Variants in AHCYL2 observed in about 807,000 individuals in gnomAD.
AHCYL2 encodes the protein adenosylhomocysteinase like 2, also known as S-adenosylhomocysteine hydrolase-like protein 2.
A neutral mutation model predicts 81.4 loss-of-function variants in AHCYL2; 28 were observed. The ratio of observed to expected loss-of-function variants is 0.34; its 90% CI spans 0.25 to 0.47. The LOEUF (loss-of-function observed/expected upper bound fraction) is 0.47. Among genes scored for constraint, AHCYL2 ranks in the 20% least tolerant of loss-of-function variants. The pLI, the probability that AHCYL2 is intolerant of heterozygous loss-of-function variation, is 1.00. For synonymous variants in AHCYL2, 272 were observed against 290.2 expected (o/e 0.94, Z 0.64); for missense variants, 551 against 785.1 (o/e 0.70, Z 3.56).
At chr7:129,380,192 G>A (rs1471100781) in intron 2 of AHCYL2, among the ~76,000 whole-genome samples, 2 of 152,004 alleles carry the variant, frequency 1.3e-5, no homozygotes. Flanking sequence ...GCTAGTTCAA[G>A]CAAGTGAGCC....
intron 1 of AHCYL2, among the ~76,000 whole-genome samples, chr7:129,255,067 C>T (rs1026679530): frequency 6.6e-6 from 1 of 151,840 alleles, no homozygotes; most frequent in Non-Finnish European, 1.5e-5. Context: ...TCGAGACTAG[C>T]CTTACCAACA....
At chr7:129,315,857 C>T (rs1797810410) in intron 1 of AHCYL2, among the ~76,000 whole-genome samples, 1 of 152,148 alleles carries the variant, frequency 6.6e-6, no homozygotes, top group South Asian at 2.1e-4. Context: ...TGAAAATTAG[C>T]CGTCAGCCAT....
At chr7:129,283,732 C>G (rs1796529648) in intron 1 of AHCYL2, among the ~76,000 whole-genome samples, 1 of 152,048 alleles carries the variant, frequency 6.6e-6, no homozygotes, top group Admixed American at 6.5e-5. Context: ...CAATATAGTA[C>G]TTTTTGTACC....
intron 1 of AHCYL2, among the ~76,000 whole-genome samples, chr7:129,247,725 C>T (rs1215460973): frequency 1.3e-5 from 2 of 152,110 alleles, no homozygotes; most frequent in Non-Finnish European, 2.9e-5. Context: ...CCTCAGCCTC[C>T]TGAGTAGCTG....
In AHCYL2 at chr7:129,255,454, T is replaced by C. The variant is rs551010372; in HGVS notation, c.363+30015T>C. 8.5e-5 allele frequency among the ~76,000 whole-genome samples: 13 copies of C among 152,328 alleles called. 1 individual carries two copies. The highest frequency in any genetic ancestry group is 3.1e-4 in the African/African-American group (13 of 41,586). On this transcript the variant is annotated intron_variant, in intron 1 of 16. Coordinates refer to ENST00000325006, the MANE Select transcript of AHCYL2 (RefSeq NM_015328.4). ...GTATATCTGAATTTGACTAGCCACATTTCAAGAGTTCAACAGTCATATGTG... is the reference window on the plus strand; with the variant it reads ...GTATATCTGAATTTGACTAGCCACACTTCAAGAGTTCAACAGTCATATGTG...
chr7:129,400,233 T>A (rs1439006730), intron 5 of AHCYL2, 57 bp from the exon 6 acceptor site: 3 of 1,485,378 alleles, frequency 2.0e-6, no homozygotes, highest in East Asian at 4.5e-5. Context: ...TCACTAAAAT[T>A]AGGGGGTCAG....
At position 129,368,154 on chromosome 7, in the gene AHCYL2, G is replaced by C. The variant is rs1389488145; in HGVS notation, c.364-11484G>C. The C allele has an allele frequency of 1.9e-6, 2 of 1,072,240 alleles. No homozygotes were observed. The highest frequency in any genetic ancestry group is 2.3e-6 in the Non-Finnish European group (2 of 885,298). 66.4% of individuals were successfully genotyped at this position (1,072,240 alleles called of 1,614,324 possible). The stretch of plus-strand genomic sequence containing the variant: ...GGAAGTCCAACTATTGCTGCAGAAA[G>C]TCCCCACTGGGGAGGTGCGGGTAGA... On this transcript the variant is annotated intron_variant, in intron 1 of 16. Transcript: ENST00000325006. This position sits in a 1 kb window ranked among gnomAD's most constrained non-coding sequence, Gnocchi z 4.4.
chr7:129,289,565 T>A (rs1482335565), intron 1 of AHCYL2, among the ~76,000 whole-genome samples: 1 of 152,242 alleles, frequency 6.6e-6, no homozygotes, highest in African/African-American at 2.4e-5. Flanking sequence ...CCCAGTGGTA[T>A]AATACATATT....
At chr7:129,357,595 A>T (rs1793775315) in intron 1 of AHCYL2, among the ~76,000 whole-genome samples, 1 of 152,048 alleles carries the variant, frequency 6.6e-6, no homozygotes, top group Non-Finnish European at 1.5e-5. Context: ...GACTTGAAAG[A>T]CTCTTCACAT....
At chr7:129,410,609 A>G (rs1037404137) in intron 11 of AHCYL2, among the ~76,000 whole-genome samples, 1 of 152,212 alleles carries the variant, frequency 6.6e-6, no homozygotes, top group Admixed American at 6.6e-5. Context: ...AAAGTGATGT[A>G]TGTTTCTCTC....
At chr7:129,283,340 G>C (rs902530133) in intron 1 of AHCYL2, 1 of 455,638 alleles carries the variant, frequency 2.2e-6, no homozygotes, top group Non-Finnish European at 4.4e-6. Flanking sequence ...AGGGATTGCT[G>C]TTCTTCATTG....
chr7:129,358,202 G>A (rs1402247450), intron 1 of AHCYL2, among the ~76,000 whole-genome samples: 1 of 151,880 alleles, frequency 6.6e-6, no homozygotes, highest in Admixed American at 6.6e-5. Context: ...GACCATCCTG[G>A]CTAACACGAT....
intron 1 of AHCYL2, among the ~76,000 whole-genome samples, chr7:129,257,804 C>A (rs1795478067): frequency 6.6e-6 from 1 of 152,104 alleles, no homozygotes; most frequent in Non-Finnish European, 1.5e-5. Context: ...GTGCACATGG[C>A]AGCCTAAGGA....
intron 1 of AHCYL2, among the ~76,000 whole-genome samples, chr7:129,369,320 A>G (rs972922060): frequency 6.6e-6 from 1 of 152,126 alleles, no homozygotes. Flanking sequence ...GTGTTTCCCC[A>G]CTATGGAAAA....
chr7:129,391,963 C>G (rs771621887), intron 4 of AHCYL2, among the ~76,000 whole-genome samples: 1 of 152,158 alleles, frequency 6.6e-6, no homozygotes, highest in Non-Finnish European at 1.5e-5. Context: ...TTGGCCTGCT[C>G]AGTCAGCGAC....
rs1584891231 is a variant in AHCYL2, at chr7:129,405,301, T to G, written c.1142+88T>G. Reference sequence around the variant, plus strand: ...TTTGGTTATTTCTGGAAAGGATTCATGTAGCACCTCTGGATAATGTCTCCA... The same window carrying G: ...TTTGGTTATTTCTGGAAAGGATTCAGGTAGCACCTCTGGATAATGTCTCCA... On this transcript the variant is annotated intron_variant, in intron 8 of 16. Transcript: ENST00000325006. 3.5e-6 allele frequency: 3 copies of G among 855,832 alleles called. No individual in the cohort carries two copies. In the Admixed American group the frequency reaches 7.2e-5, roughly 20 times the overall value. 53.0% of individuals were successfully genotyped at this position (855,832 alleles called of 1,614,324 possible). A position where few individuals can be genotyped will look rare whatever the true frequency, so the allele number is the denominator to read the frequency against.
At chr7:129,354,480 T>C (rs538218938) in intron 1 of AHCYL2, among the ~76,000 whole-genome samples, 15 of 152,166 alleles carry the variant, frequency 9.9e-5, no homozygotes, top group Admixed American at 2.6e-4. Flanking sequence ...TAAGGAAATG[T>C]AACAGGATTA....
At chr7:129,367,070 A>C (rs965588183) in intron 1 of AHCYL2, among the ~76,000 whole-genome samples, 8 of 152,206 alleles carry the variant, frequency 5.3e-5, no homozygotes, top group Non-Finnish European at 1.2e-4. Context: ...CAAAGTAGGC[A>C]ATCAGATGTG....
At chr7:129,304,745 A>G (rs897988461) in intron 1 of AHCYL2, among the ~76,000 whole-genome samples, 1 of 151,552 alleles carries the variant, frequency 6.6e-6, no homozygotes, top group Admixed American at 6.6e-5. Context: ...ATTTTTTTTC[A>G]TCCTTTCATT....
Sources: allele counts gnomAD v4.1 joint callset (sites outside exome capture counted in the v4.1 genomes callset), GRCh38; gene constraint gnomAD v4.1.1; non-coding constraint Gnocchi (gnomAD v3.1); transcripts MANE v1.5; gene names NCBI Gene and HGNC (gene_info 2026-07-23, HGNC 2026-07-21).